SNTB1: variants seen among roughly 807,000 people sequenced by gnomAD.
The protein encoded by SNTB1 is syntrophin beta 1.
Under a neutral mutation model 48.9 loss-of-function variants are expected in SNTB1, and 36 were observed. The observed-to-expected ratio is 0.74, with a 90% CI of 0.56 to 0.97. The LOEUF (loss-of-function observed/expected upper bound fraction) is 0.97. Ranked by LOEUF, SNTB1 falls within the 50% of genes least tolerant of loss-of-function variation. The pLI, the probability that SNTB1 is intolerant of heterozygous loss-of-function variation, is 0.00. For missense variants in SNTB1, 786 were observed against 703.4 expected (o/e 1.12, Z -1.33); for synonymous variants, 299 against 294.6 (o/e 1.01, Z -0.15).
At chr8:120,741,708 C>T (rs1819043422) in intron 1 of SNTB1, among the ~76,000 whole-genome samples, 4 of 152,224 alleles carry the variant, frequency 2.6e-5, no homozygotes, top group Admixed American at 1.3e-4. Flanking sequence ...TAAGTGTCTT[C>T]TCCACTTTCA....
At chr8:120,599,503 A>G (rs1296988221) in intron 3 of SNTB1, among the ~76,000 whole-genome samples, 1 of 152,220 alleles carries the variant, frequency 6.6e-6, no homozygotes, top group East Asian at 1.9e-4. Context: ...AAATCTGAAG[A>G]ATTAAATATC....
At chr8:120,785,054 G>C (rs1373838119) in intron 1 of SNTB1, among the ~76,000 whole-genome samples, 8 of 152,204 alleles carry the variant, frequency 5.3e-5, no homozygotes, top group African/African-American at 1.9e-4. Context: ...TCAGACTCCA[G>C]CAGGGATGGA....
intron 1 of SNTB1, among the ~76,000 whole-genome samples, chr8:120,748,979 T>C (rs1331050956): frequency 6.6e-6 from 1 of 152,244 alleles, no homozygotes; most frequent in Non-Finnish European, 1.5e-5. Flanking sequence ...TTACTGATTA[T>C]ACAGGCAACG....
chr8:120,601,493 C>G (rs4870735), intron 3 of SNTB1, among the ~76,000 whole-genome samples: 99,646 of 151,966 alleles, frequency 0.66, 33,480 homozygotes, highest in Non-Finnish European at 0.74. Context: ...AGAGTTTCAC[C>G]ATATCCTTCG....
rs1049388364 is a variant in SNTB1, at chr8:120,595,418, A to C, written c.997-20193T>G. 1.3e-5 allele frequency among the ~76,000 whole-genome samples: 2 copies of C among 152,162 alleles called. 1 individual carries two copies. Among genetic ancestry groups the C allele is most frequent in the South Asian group, 4.1e-4 (2 of 4,822 alleles). ...TCCCACCAGCGCCATGACAGTTTACAAATGCCATGGCAACATCAGGAAGTT... is the reference window on the plus strand; with the variant it reads ...TCCCACCAGCGCCATGACAGTTTACCAATGCCATGGCAACATCAGGAAGTT... On this transcript the variant is annotated intron_variant, in intron 3 of 6. Coordinates refer to ENST00000517992, the MANE Select transcript of SNTB1 (RefSeq NM_021021.4).
At position 120,673,891 on chromosome 8, in the gene SNTB1, G is replaced by A. The variant is rs530176818; in HGVS notation, c.788+19801C>T. Among the ~76,000 whole-genome samples, 13 of 152,192 alleles carry A rather than the reference G, an allele frequency of 8.5e-5. No individual in the cohort carries two copies. In the South Asian group the frequency reaches 1.9e-3, roughly 22 times the overall value. ...ATCTGCCACATGGAAGTAGGGAGTC[G>A]ACCTAAGATAATCTTAAAGCTATGC... On this transcript the variant is annotated intron_variant, in intron 2 of 6. Coordinates refer to ENST00000517992, the MANE Select transcript of SNTB1 (RefSeq NM_021021.4).
intron 1 of SNTB1, among the ~76,000 whole-genome samples, chr8:120,808,498 A>C (rs937521725): frequency 1.3e-5 from 2 of 152,226 alleles, no homozygotes; most frequent in Admixed American, 6.5e-5. Context: ...AAAAGATAGA[A>C]CTGTCCTTGA....
chr8:120,542,991 A>T (rs756000759), intron 5 of SNTB1, among the ~76,000 whole-genome samples: 8 of 152,162 alleles, frequency 5.3e-5, no homozygotes, highest in Non-Finnish European at 1.2e-4. Context: ...TGAGTGCGGC[A>T]TCCAGGAATC....
rs189434349 is a variant in SNTB1 at position 120,735,784 on chromosome 8, G to T, written c.572-41876C>A. 1.1e-3 allele frequency among the ~76,000 whole-genome samples: 174 copies of T among 152,276 alleles called. 2 individuals carry two copies. The highest frequency in any genetic ancestry group is 1.7e-3 in the Non-Finnish European group (119 of 68,016). The stretch of plus-strand genomic sequence containing the variant: ...GTAGCCTTGGCAAACTAATACACCA[G>T]GGAACAAATGAGCCATCTTTGGATT... On this transcript the variant is annotated intron_variant, in intron 1 of 6. Transcript: ENST00000517992.
intron 5 of SNTB1, among the ~76,000 whole-genome samples, chr8:120,547,869 G>A (rs570231060): frequency 2.0e-5 from 3 of 152,218 alleles, no homozygotes; most frequent in East Asian, 1.9e-4. Context: ...CCTTTGCTCC[G>A]CTTATCCCCA....
intron 1 of SNTB1, among the ~76,000 whole-genome samples, chr8:120,798,031 A>C (rs1378620148): frequency 6.6e-6 from 1 of 152,012 alleles, no homozygotes; most frequent in Non-Finnish European, 1.5e-5. Context: ...GTTTGCTACA[A>C]AGCACGAAAA....
At chr8:120,591,897 G>A (rs6981480) in intron 3 of SNTB1, among the ~76,000 whole-genome samples, 26,844 of 151,988 alleles carry the variant, frequency 0.18, 2,907 homozygotes, top group East Asian at 0.44. Context: ...AAAAGGGACA[G>A]CTCAGTTAAA....
intron 3 of SNTB1, among the ~76,000 whole-genome samples, chr8:120,621,052 C>T (rs1387824776): frequency 4.6e-5 from 7 of 152,158 alleles, no homozygotes; most frequent in Middle Eastern, 3.4e-3. Context: ...CTCCACCTCC[C>T]GGGTTCAAGT....
intron 4 of SNTB1, among the ~76,000 whole-genome samples, chr8:120,568,554 T>C (rs542857702): frequency 1.3e-5 from 2 of 152,162 alleles, no homozygotes; most frequent in Non-Finnish European, 2.9e-5. Context: ...GTTTCACAGA[T>C]AGGGATTCTG....
intron 1 of SNTB1, among the ~76,000 whole-genome samples, chr8:120,706,461 A>C (rs1022600480): frequency 1.3e-5 from 2 of 152,252 alleles, no homozygotes; most frequent in East Asian, 1.9e-4. Flanking sequence ...AAGTAGTCTA[A>C]AGTTTATTCA....
chr8:120,536,260 A>G lies in SNTB1; in HGVS notation c.*2617T>C, dbSNP rs1815201524. Reference sequence around the variant, plus strand: ...ATAGGCAACTTCCCATAAAGTACAGATTAAAACATCATTCATTTATATTGG... The same window carrying G: ...ATAGGCAACTTCCCATAAAGTACAGGTTAAAACATCATTCATTTATATTGG... On this transcript the variant is annotated 3_prime_UTR_variant, in exon 7 of 7. Coordinates refer to ENST00000517992, the MANE Select transcript of SNTB1 (RefSeq NM_021021.4). 1 of 152,266 alleles carries G rather than the reference A, an allele frequency of 6.6e-6. No individual in the cohort carries two copies. The highest frequency in any genetic ancestry group is 2.1e-4 in the South Asian group (1 of 4,836). The allele number at this position is 152,266 out of a possible 1,614,324, so 9.4% of individuals were successfully genotyped here.
chr8:120,716,171 C>G (rs1462318429), intron 1 of SNTB1, among the ~76,000 whole-genome samples: 1 of 151,456 alleles, frequency 6.6e-6, no homozygotes, highest in Non-Finnish European at 1.5e-5. Flanking sequence ...TGAATGTATA[C>G]ATAAATGAAT....
At position 120,811,486 on chromosome 8, in the gene SNTB1, G is replaced by T; in HGVS notation, c.358C>A (p.Leu120Met). Residue 120 changes from leucine to methionine, a missense_variant, in exon 1 of 7, where the codon CTG becomes ATG. Transcript: ENST00000517992. ...KRGVKVLKQE[L>M]GGLGISIKGG... is the part of the protein sequence containing the mutation. ...TTGATGCTGATCCCCAGCCCGCCCA[G>T]CTCCTGCTTCAGCACCTTCACGCCA... The T allele has an allele frequency of 1.2e-6, 2 of 1,613,970 alleles. No homozygotes were observed. Among genetic ancestry groups the T allele is most frequent in the Non-Finnish European group, 1.7e-6 (2 of 1,179,916 alleles).
chr8:120,627,265 C>T (rs546223312), intron 3 of SNTB1, among the ~76,000 whole-genome samples: 4 of 152,218 alleles, frequency 2.6e-5, no homozygotes, highest in East Asian at 3.9e-4. Flanking sequence ...AAATTTGAAC[C>T]GTTTTGTTGA....
Sources: allele counts gnomAD v4.1 joint callset (sites outside exome capture counted in the v4.1 genomes callset), GRCh38; gene constraint gnomAD v4.1.1; transcripts MANE v1.5; gene names NCBI Gene and HGNC (gene_info 2026-07-23, HGNC 2026-07-21).